CCNY: variants seen among roughly 807,000 people sequenced by gnomAD.
CCNY encodes the protein cyclin Y, also known as cyclin-Y.
In CCNY, 19 loss-of-function variants were observed where a neutral mutation model predicts 42.8. That is an observed-to-expected ratio of 0.44 (90% CI 0.31 to 0.65). CCNY has a LOEUF of 0.65. Ranked by LOEUF, CCNY falls within the 30% of genes least tolerant of loss-of-function variation. CCNY has a pLI of 0.07. For missense variants in CCNY, 370 were observed against 437.3 expected, an observed-to-expected ratio of 0.85 and a Z score of 1.37; for synonymous variants, 165 against 162.7, an observed-to-expected ratio of 1.01 and a Z score of -0.11.
intron 1 of CCNY, among the ~76,000 whole-genome samples, chr10:35,392,216 T>A (rs536300595): frequency 2.6e-5 from 4 of 152,332 alleles, no homozygotes; most frequent in African/African-American, 9.6e-5. Flanking sequence ...TAAAAAACAA[T>A]TATTAGTTTT....
At chr10:35,482,749 G>GGGGTGTGTGT (rs751774596) in intron 1 of CCNY, among the ~76,000 whole-genome samples, 1 of 128,844 alleles carries the variant, frequency 7.8e-6, no homozygotes, top group East Asian at 2.3e-4. Context: ...GCTGGAAATA[G>GGGGTGTGTGT]GTGTGTGTGT....
chr10:35,454,409 G>A lies in CCNY; in HGVS notation c.155-28995G>A, dbSNP rs553694568. On this transcript the variant is annotated intron_variant, in intron 1 of 9. Coordinates refer to ENST00000374704, the MANE Select transcript of CCNY (RefSeq NM_145012.6). ...AGGTTGTTCACCTGGAATGGACTGT[G>A]AACCCCCCACCAGGAACTGTGGCAC... Among the ~76,000 whole-genome samples, 463 of 152,370 alleles carry A rather than the reference G, an allele frequency of 3.0e-3. 4 individuals carry two copies. Among genetic ancestry groups the A allele is most frequent in the Non-Finnish European group, 3.7e-3 (253 of 68,038 alleles).
intron 2 of CCNY, 41 bp from the exon 3 acceptor site, chr10:35,501,460 G>A: frequency 6.3e-7 from 1 of 1,595,614 alleles, no homozygotes; most frequent in Non-Finnish European, 8.6e-7. Context: ...GGGTTGGCAT[G>A]CAGGCATATA....
intron 1 of CCNY, among the ~76,000 whole-genome samples, chr10:35,340,653 C>G (rs540583421): frequency 2.0e-5 from 3 of 151,926 alleles, no homozygotes; most frequent in Non-Finnish European, 1.5e-5. Flanking sequence ...TACAGGCATG[C>G]GCCACCACGC....
chr10:35,340,247 T>G (rs1201297923), intron 1 of CCNY, among the ~76,000 whole-genome samples: 1 of 152,206 alleles, frequency 6.6e-6, no homozygotes, highest in Non-Finnish European at 1.5e-5. Context: ...TTAGCTAGTC[T>G]GGGGTTGCCT....
chr10:35,465,936 A>AGG (rs1273592792), intron 1 of CCNY, among the ~76,000 whole-genome samples: 1 of 117,602 alleles, frequency 8.5e-6, no homozygotes, highest in Non-Finnish European at 1.8e-5. Flanking sequence ...AGAGAGAGAG[A>AGG]GAGTGTGTGT....
At chr10:35,393,778 T>C (rs970049516) in intron 1 of CCNY, among the ~76,000 whole-genome samples, 22 of 152,138 alleles carry the variant, frequency 1.4e-4, no homozygotes, top group Admixed American at 1.2e-3. Context: ...GGCAGATGGC[T>C]GTGTGTGGAC....
intron 7 of CCNY, among the ~76,000 whole-genome samples, chr10:35,532,488 A>C (rs1374144189): frequency 3.3e-5 from 5 of 152,262 alleles, no homozygotes; most frequent in Non-Finnish European, 5.9e-5. Context: ...CACCCAAAGC[A>C]AATATTTCAC....
intron 1 of CCNY, among the ~76,000 whole-genome samples, chr10:35,426,517 T>C (rs913502351): frequency 6.6e-6 from 1 of 152,240 alleles, no homozygotes. Flanking sequence ...TTTAGGACAA[T>C]GACTTTGGGT....
chr10:35,448,521 A>G (rs1246347757), intron 1 of CCNY, among the ~76,000 whole-genome samples: 6 of 152,318 alleles, frequency 3.9e-5, no homozygotes, highest in African/African-American at 1.2e-4. Context: ...GGTGCCTGCC[A>G]TGTAACTACT....
At chr10:35,377,885 C>T (rs530688703) in intron 1 of CCNY, among the ~76,000 whole-genome samples, 32 of 152,308 alleles carry the variant, frequency 2.1e-4, no homozygotes, top group African/African-American at 7.5e-4. Context: ...GCAAGAACAT[C>T]ATATGTGCTT....
intron 1 of CCNY, among the ~76,000 whole-genome samples, chr10:35,408,751 C>G (rs1235118090): frequency 6.6e-6 from 1 of 151,770 alleles, no homozygotes; most frequent in Non-Finnish European, 1.5e-5. Flanking sequence ...AGAGGCCTGA[C>G]AGTAATATGA....
chr10:35,386,332 A>G (rs1837299996), intron 1 of CCNY, among the ~76,000 whole-genome samples: 1 of 152,202 alleles, frequency 6.6e-6, no homozygotes, highest in Non-Finnish European at 1.5e-5. Context: ...AAAGCATGGC[A>G]GCTTTTCTCA....
At chr10:35,415,670 G>A (rs544789204) in intron 1 of CCNY, among the ~76,000 whole-genome samples, 1 of 152,198 alleles carries the variant, frequency 6.6e-6, no homozygotes, top group Non-Finnish European at 1.5e-5. Context: ...GATGCGAGTC[G>A]AGAAGTCAGA....
chr10:35,294,439 C>T (rs996649997), intron 3 of CCNY, among the ~76,000 whole-genome samples: 13 of 152,264 alleles, frequency 8.5e-5, no homozygotes, highest in African/African-American at 2.9e-4. Context: ...CTTTCTGTTC[C>T]TAGTTTGTTG....
At chr10:35,546,006 A>AT (rs1456738341) in intron 7 of CCNY, among the ~76,000 whole-genome samples, 16 of 152,174 alleles carry the variant, frequency 1.1e-4, no homozygotes, top group African/African-American at 3.6e-4. Context: ...AGCTACCCCC[A>AT]TTCCCTCAAA....
chr10:35,533,304 T>C (rs1258769132), intron 7 of CCNY, among the ~76,000 whole-genome samples: 3 of 152,240 alleles, frequency 2.0e-5, no homozygotes, highest in East Asian at 1.9e-4. Context: ...CTCTTTTTTT[T>C]CTCACTTTGC....
chr10:35,380,404 C>T (rs1035580769), intron 1 of CCNY, among the ~76,000 whole-genome samples: 3 of 152,166 alleles, frequency 2.0e-5, no homozygotes, highest in Admixed American at 1.3e-4. Context: ...TGGAATGTAT[C>T]AGAGAGTTTT....
At chr10:35,465,002 A>T (rs1293921829) in intron 1 of CCNY, among the ~76,000 whole-genome samples, 2 of 152,160 alleles carry the variant, frequency 1.3e-5, no homozygotes, top group Non-Finnish European at 2.9e-5. Context: ...CGTTCCATTG[A>T]TAGTGCTAAT....
Sources: allele counts gnomAD v4.1 joint callset (sites outside exome capture counted in the v4.1 genomes callset), GRCh38; gene constraint gnomAD v4.1.1; transcripts MANE v1.5; gene names NCBI Gene and HGNC (gene_info 2026-07-23, HGNC 2026-07-21).